Variants in TLN2 observed in about 807,000 individuals in gnomAD.
The protein encoded by TLN2 is talin-2.
In TLN2, 118 loss-of-function variants were observed where a neutral mutation model predicts 294.7. The ratio of observed to expected loss-of-function variants is 0.40; its 90% CI spans 0.34 to 0.47. The LOEUF is 0.47. Ranked by LOEUF, TLN2 falls within the 20% of genes least tolerant of loss-of-function variation. TLN2 has a pLI of 0.84. For synonymous variants in TLN2, 1,431 were observed against 1,304.5 expected (o/e 1.10, Z -2.09); for missense variants, 3,083 against 3,282.2 (o/e 0.94, Z 1.48).
At chr15:62,684,957 T>A (rs2057158195) in intron 11 of TLN2, among the ~76,000 whole-genome samples, 1 of 151,144 alleles carries the variant, frequency 6.6e-6, no homozygotes, top group Admixed American at 6.6e-5. Context: ...AGATACTTTG[T>A]GTGAATGTAT....
intron 1 of TLN2, among the ~76,000 whole-genome samples, chr15:62,464,714 C>T (rs966879350): frequency 6.6e-6 from 1 of 151,996 alleles, no homozygotes; most frequent in African/African-American, 2.4e-5. Flanking sequence ...TGATGGATCA[C>T]TTTTATTCTT....
chr15:62,396,055 G>A (rs1418448102), intron 1 of TLN2, among the ~76,000 whole-genome samples: 2 of 132,750 alleles, frequency 1.5e-5, no homozygotes, highest in Admixed American at 8.1e-5. Flanking sequence ...GGCTGGTCTC[G>A]AACTTCTGAC....
chr15:62,631,519 TTC>T (rs2049842459), intron 3 of TLN2, among the ~76,000 whole-genome samples: 2 of 13,924 alleles, frequency 1.4e-4, no homozygotes, highest in Non-Finnish European at 3.7e-4. Flanking sequence ...TCTTTCTTTC[TTC>T]CTTTCCTTTC....
chr15:62,748,618 CA>C (rs1249995100), intron 33 of TLN2, among the ~76,000 whole-genome samples, 174 bp downstream of exon 33: 2 of 152,126 alleles, frequency 1.3e-5, no homozygotes, highest in African/African-American at 4.8e-5. Context: ...AGTTCCAATC[CA>C]AGTGGAAAGA....
In TLN2 at chr15:62,616,198, G is replaced by A. The variant is rs147803439; in HGVS notation, c.-161-2153G>A. Among the ~76,000 whole-genome samples the A allele has an allele frequency of 7.9e-5, 12 of 152,134 alleles. No homozygotes were observed. The East Asian group carries it at 1.4e-3, about 17-fold the overall frequency. Reference sequence around the variant, plus strand: ...TCTTGTGAAACCTCTTTGTGAGTTCGTCTTGCACTGTTTTTACTTAGACCT... The same window carrying A: ...TCTTGTGAAACCTCTTTGTGAGTTCATCTTGCACTGTTTTTACTTAGACCT... On this transcript the variant is annotated intron_variant, in intron 2 of 58. Transcript: ENST00000636159.
chr15:62,722,818 A>C (rs2060225864), intron 26 of TLN2, among the ~76,000 whole-genome samples: 2 of 152,208 alleles, frequency 1.3e-5, no homozygotes, highest in South Asian at 4.1e-4. Flanking sequence ...TCAGTGTCTC[A>C]GTGCCAGCTA....
intron 41 of TLN2, among the ~76,000 whole-genome samples, chr15:62,768,969 A>G (rs1567564325): frequency 6.6e-6 from 1 of 152,236 alleles, no homozygotes; most frequent in Non-Finnish European, 1.5e-5. Flanking sequence ...TTTCTCAGTA[A>G]GGAATTGGCA....
intron 20 of TLN2, among the ~76,000 whole-genome samples, chr15:62,708,139 G>A (rs1270334160): frequency 6.6e-6 from 1 of 152,096 alleles, no homozygotes; most frequent in Admixed American, 6.5e-5. Context: ...GGTAGTCTTT[G>A]TATCCCAACT....
At chr15:62,518,620 G>A (rs1183192850) in intron 1 of TLN2, among the ~76,000 whole-genome samples, 1 of 151,906 alleles carries the variant, frequency 6.6e-6, no homozygotes, top group African/African-American at 2.4e-5. Context: ...TTTTTGAGAT[G>A]GAATTTTTGC....
intron 27 of TLN2, 133 bp downstream of exon 27, chr15:62,725,237 G>T (rs1427586418): frequency 1.5e-6 from 2 of 1,330,764 alleles, no homozygotes; most frequent in Non-Finnish European, 2.0e-6. Context: ...TTTCTGAAAA[G>T]AATGCCCAGG....
At position 62,748,337 on chromosome 15, in the gene TLN2, T is replaced by A; in HGVS notation, c.4026-14T>A. 1 of 1,576,146 alleles carries A rather than the reference T, an allele frequency of 6.3e-7. No homozygotes were observed. Among genetic ancestry groups the A allele is most frequent in the South Asian group, 1.2e-5 (1 of 86,064 alleles). On this transcript the variant is annotated splice_polypyrimidine_tract_variant and intron_variant, in intron 32 of 58. Transcript: ENST00000636159. ...ATCTTCAAAAAAAAAAAAAAAATTC[T>A]GTTTCTGTCACAGAGCTGTGACAGA...
At chr15:62,464,063 T>C (rs1294544287) in intron 1 of TLN2, among the ~76,000 whole-genome samples, 1 of 152,174 alleles carries the variant, frequency 6.6e-6, no homozygotes, top group Admixed American at 6.5e-5. Context: ...GACTCAGCAA[T>C]CCCATCACTG....
At chr15:62,506,829 T>C (rs2039646102) in intron 1 of TLN2, among the ~76,000 whole-genome samples, 2 of 152,242 alleles carry the variant, frequency 1.3e-5, no homozygotes, top group Non-Finnish European at 1.5e-5. Context: ...CAGCATGGCA[T>C]TCAAACGGGA....
At chr15:62,493,197 A>G (rs1292723966) in intron 1 of TLN2, among the ~76,000 whole-genome samples, 2 of 152,168 alleles carry the variant, frequency 1.3e-5, no homozygotes, top group African/African-American at 4.8e-5. Context: ...AGTACGAGTG[A>G]GCTTTCCTCT....
chr15:62,799,780 G>A (rs1031674111), intron 48 of TLN2, among the ~76,000 whole-genome samples: 1 of 152,230 alleles, frequency 6.6e-6, no homozygotes, highest in Non-Finnish European at 1.5e-5. Flanking sequence ...TTAGCTGAGG[G>A]ATGGGGAAAA....
chr15:62,653,958 G>T (rs893947486), intron 7 of TLN2, among the ~76,000 whole-genome samples: 7 of 152,056 alleles, frequency 4.6e-5, no homozygotes, highest in African/African-American at 1.7e-4. Flanking sequence ...TAATACTAAT[G>T]ATGTATATTT....
chr15:62,820,532 A>G lies in TLN2; in HGVS notation c.6924A>G (p.Thr2308=). Reference sequence around the variant, plus strand: ...AAGACCCAACTGTCATTGCAGAAACAGAGTTACTGGGGGCTGCAGCATCCA... The same window carrying G: ...AAGACCCAACTGTCATTGCAGAAACGGAGTTACTGGGGGCTGCAGCATCCA... ...DPEDPTVIAE[T]ELLGAAASIE... The change falls in exon 54 of 59, where the codon ACA becomes ACG. Residue 2308 remains threonine (T), a synonymous_variant. Coordinates refer to ENST00000636159, the MANE Select transcript of TLN2 (RefSeq NM_015059.3). 1.2e-6 allele frequency: 2 copies of G among 1,614,020 alleles called. No individual in the cohort carries two copies. Among genetic ancestry groups the G allele is most frequent in the African/African-American group, 1.3e-5 (1 of 75,044 alleles).
chr15:62,391,964 T>C (rs563009767), intron 1 of TLN2, among the ~76,000 whole-genome samples: 43 of 152,342 alleles, frequency 2.8e-4, no homozygotes, highest in Middle Eastern at 3.4e-3. Flanking sequence ...GCCTGGGTGC[T>C]CCGAGGGGCG....
chr15:62,762,754 G>T (rs2062754423), intron 39 of TLN2, among the ~76,000 whole-genome samples: 1 of 152,082 alleles, frequency 6.6e-6, no homozygotes, highest in South Asian at 2.1e-4. Context: ...GAAAAATTTG[G>T]GTAATATCCC....
Sources: allele counts gnomAD v4.1 joint callset (sites outside exome capture counted in the v4.1 genomes callset), GRCh38; gene constraint gnomAD v4.1.1; transcripts MANE v1.5; gene names NCBI Gene and HGNC (gene_info 2026-07-23, HGNC 2026-07-21).